Variants in LRRC2 observed in about 807,000 individuals in gnomAD.
LRRC2 encodes the protein leucine rich repeat containing 2.
A neutral mutation model predicts 40.2 loss-of-function variants in LRRC2; 27 were observed. The ratio of observed to expected loss-of-function variants is 0.67; its 90% CI spans 0.49 to 0.93. LRRC2 has a LOEUF of 0.93. Ranked by LOEUF, LRRC2 falls within the 40% of genes least tolerant of loss-of-function variation. The pLI is 0.00. For missense variants in LRRC2, 402 were observed against 439.6 expected (o/e 0.91, Z 0.76); for synonymous variants, 147 against 158.9 (o/e 0.92, Z 0.56).
intron 5 of LRRC2, among the ~76,000 whole-genome samples, chr3:46,531,288 G>T (rs1704156969): frequency 6.6e-6 from 1 of 151,930 alleles, no homozygotes; most frequent in Admixed American, 6.6e-5. Context: ...GAGCAAGAGA[G>T]AATTGGGGGT....
intron 1 of LRRC2, among the ~76,000 whole-genome samples, chr3:46,560,136 A>C (rs1704902270): frequency 6.6e-6 from 1 of 152,164 alleles, no homozygotes; most frequent in South Asian, 2.1e-4. Context: ...CAACTGGACA[A>C]ATTTTACCTT....
chr3:46,532,965 A>G, intron 4 of LRRC2, 56 bp from the exon 5 acceptor site: 15 of 1,561,018 alleles, frequency 9.6e-6, no homozygotes, highest in Middle Eastern at 3.5e-4. Flanking sequence ...TCTTTTAAGA[A>G]CAAAAAGCAA....
intron 2 of LRRC2, among the ~76,000 whole-genome samples, chr3:46,546,542 T>C (rs1462158256): frequency 9.2e-5 from 14 of 152,200 alleles, no homozygotes. Flanking sequence ...GATTCTCTGA[T>C]TCTATAGGTA....
rs1703923559 is a variant in LRRC2, at chr3:46,519,253, G to A, written c.1067-190C>T. 2.0e-5 allele frequency among the ~76,000 whole-genome samples: 3 copies of A among 152,112 alleles called. 1 individual carries two copies. The South Asian group carries it at 6.2e-4, about 32-fold the overall frequency. On this transcript the variant is annotated intron_variant, in intron 8 of 8. Transcript: ENST00000395905. ...CCATTAAGTAAGTCATCACAAATGT[G>A]CAGTCAAACTTTAGAAATGTTTAGA...
At position 46,524,118 on chromosome 3, in the gene LRRC2, G is replaced by A. The variant is rs1267187797; in HGVS notation, c.930-2460C>T. 3.9e-5 allele frequency among the ~76,000 whole-genome samples: 6 copies of A among 152,038 alleles called. No individual in the cohort carries two copies. In the East Asian group the frequency reaches 7.7e-4, roughly 19 times the overall value. On this transcript the variant is annotated intron_variant, in intron 7 of 8. Coordinates refer to ENST00000395905, the MANE Select transcript of LRRC2 (RefSeq NM_024512.5). ...TTGAAAATCAATAAATAATATTTAC[G>A]TTTTTGTGACAACCATCTGGTAAGG...
rs1223350766 is a variant in LRRC2, at chr3:46,530,046, C to G, written c.632G>C (p.Ser211Thr). 1 of 1,608,794 alleles carries G rather than the reference C, an allele frequency of 6.2e-7. No homozygotes were observed. The highest frequency in any genetic ancestry group is 8.5e-7 in the Non-Finnish European group (1 of 1,175,442). The change falls in exon 6 of 9, where the codon AGT (serine) becomes ACT (threonine). Residue 211 changes from serine (S) to threonine (T), a missense_variant. By Grantham distance (58) the Ser-to-Thr change is moderately conservative. Transcript: ENST00000395905. ...TACAAATGTAACTTGCTTCAAATTA[C>G]TTAACTAGAAATGAATAACAAAATG... ...LELMELPFELSNLKQVTFVDI... is the reference protein window; with the variant it reads ...LELMELPFELTNLKQVTFVDI...
chr3:46,544,925 T>G, intron 3 of LRRC2, 121 bp downstream of exon 3: 1 of 962,002 alleles, frequency 1.0e-6, no homozygotes, highest in Non-Finnish European at 1.6e-6. Context: ...TGCGTTTCAC[T>G]GAGGAAGGGA....
chr3:46,533,051 G>C, intron 4 of LRRC2, 142 bp from the exon 5 acceptor site: 1 of 829,704 alleles, frequency 1.2e-6, no homozygotes, highest in Non-Finnish European at 1.9e-6. Context: ...GTTTTGGGGG[G>C]TGTATCTAAT....
At chr3:46,536,476 G>C (rs1704271402) in intron 4 of LRRC2, among the ~76,000 whole-genome samples, 1 of 152,152 alleles carries the variant, frequency 6.6e-6, no homozygotes. Flanking sequence ...GAAGAGCAGA[G>C]AGATTAAGTA....
At chr3:46,530,258 T>A (rs1039151110) in intron 5 of LRRC2, among the ~76,000 whole-genome samples, 58 of 152,190 alleles carry the variant, frequency 3.8e-4, no homozygotes, top group Admixed American at 3.8e-3. Flanking sequence ...ACACTGCGGC[T>A]GCCTTCCAGG....
At chr3:46,563,364 G>T (rs999454559) in intron 1 of LRRC2, among the ~76,000 whole-genome samples, 2 of 152,022 alleles carry the variant, frequency 1.3e-5, no homozygotes, top group African/African-American at 2.4e-5. Context: ...TTCCACAGAG[G>T]CAGTGAGCCC....
chr3:46,559,783 C>G (rs1704894910), intron 1 of LRRC2: 1 of 152,200 alleles, frequency 6.6e-6, no homozygotes, highest in Non-Finnish European at 1.5e-5. Context: ...TAAGTCATTA[C>G]TACTCTCAGT....
intron 2 of LRRC2, 140 bp downstream of exon 2, chr3:46,551,327 G>T: frequency 2.0e-6 from 2 of 988,802 alleles, no homozygotes; most frequent in Non-Finnish European, 3.0e-6. Flanking sequence ...ACAGTGTAAG[G>T]CTCTGAAGTT....
intron 2 of LRRC2, among the ~76,000 whole-genome samples, chr3:46,546,462 A>C (rs1704527268): frequency 6.6e-6 from 1 of 152,176 alleles, no homozygotes; most frequent in Non-Finnish European, 1.5e-5. Flanking sequence ...GTGTAAGGAG[A>C]AATTTCAGAT....
intron 3 of LRRC2, among the ~76,000 whole-genome samples, chr3:46,541,498 C>T (rs1704391440): frequency 6.6e-6 from 1 of 152,108 alleles, no homozygotes; most frequent in South Asian, 2.1e-4. Flanking sequence ...GTGCCATAAA[C>T]CTTGCAGAAG....
At chr3:46,547,235 G>A (rs1025963163) in intron 2 of LRRC2, among the ~76,000 whole-genome samples, 1 of 152,196 alleles carries the variant, frequency 6.6e-6, no homozygotes, top group African/African-American at 2.4e-5. Context: ...AACATTTGAA[G>A]AAAAACATTT....
intron 1 of LRRC2, among the ~76,000 whole-genome samples, chr3:46,554,026 G>GTT (rs112755431): frequency 2.0e-5 from 3 of 150,972 alleles, no homozygotes; most frequent in South Asian, 2.1e-4. Flanking sequence ...TTTTTTTGTT[G>GTT]TTTTTTTTCC....
At chr3:46,534,689 T>C (rs35826041) in intron 4 of LRRC2, among the ~76,000 whole-genome samples, 1 of 152,202 alleles carries the variant, frequency 6.6e-6, no homozygotes. Context: ...CCACTCATTG[T>C]CATTCTTAAT....
At chr3:46,538,854 G>A (rs1014590242) in intron 4 of LRRC2, among the ~76,000 whole-genome samples, 191 bp downstream of exon 4, 2 of 152,160 alleles carry the variant, frequency 1.3e-5, no homozygotes, top group Admixed American at 6.5e-5. Context: ...TTATACAGGC[G>A]AGACGCCGAC....
Sources: allele counts gnomAD v4.1 joint callset (sites outside exome capture counted in the v4.1 genomes callset), GRCh38; gene constraint gnomAD v4.1.1; transcripts MANE v1.5; gene names NCBI Gene and HGNC (gene_info 2026-07-23, HGNC 2026-07-21).